Variants in STPG4 observed in about 807,000 individuals in gnomAD.
STPG4 encodes protein STPG4.
A neutral mutation model predicts 31.5 loss-of-function variants in STPG4; 41 were observed. The ratio of observed to expected loss-of-function variants is 1.30; its 90% CI spans 1.01 to 1.69. STPG4 has a LOEUF of 1.69. Ranked by LOEUF, STPG4 falls within the 40% of genes most tolerant of loss-of-function variation. The pLI, the probability that STPG4 is intolerant of heterozygous loss-of-function variation, is 0.00. For missense variants in STPG4, 375 were observed against 293.4 expected, an observed-to-expected ratio of 1.28 and a Z score of -2.03; for synonymous variants, 141 against 103.0, an observed-to-expected ratio of 1.37 and a Z score of -2.24.
At position 47,110,004 on chromosome 2, in the gene STPG4, T is replaced by C. The variant is rs369853642; in HGVS notation, c.520-19630A>G. ...CCTTATTCTTTATAGGCCTGTCAGG[T>C]TTTAAGAAATACAGAAACGAAATAT... On this transcript the variant is annotated intron_variant, in intron 5 of 6. Transcript: ENST00000445927. Among the ~76,000 whole-genome samples, 5 of 144,846 alleles carry C rather than the reference T, an allele frequency of 3.5e-5. No homozygotes were observed. The East Asian group carries it at 9.6e-4, about 28-fold the overall frequency.
chr2:47,134,768 A>T (rs1172275545), intron 3 of STPG4, among the ~76,000 whole-genome samples: 1 of 152,200 alleles, frequency 6.6e-6, no homozygotes, highest in Admixed American at 6.5e-5. Context: ...TTAGTTTTTT[A>T]AAAAACGGCC....
chr2:47,137,917 G>C (rs1686630011), intron 3 of STPG4, among the ~76,000 whole-genome samples: 1 of 152,012 alleles, frequency 6.6e-6, no homozygotes, highest in African/African-American at 2.4e-5. Context: ...TCTTTTCAAA[G>C]AATCAGCTCT....
At chr2:47,089,064 T>C (rs1685516796) in intron 6 of STPG4, among the ~76,000 whole-genome samples, 3 of 152,184 alleles carry the variant, frequency 2.0e-5, no homozygotes, top group African/African-American at 7.2e-5. Context: ...GAAAATTTTC[T>C]ATAAGGGAGA....
chr2:47,148,094 G>A (rs1686862973), intron 3 of STPG4, among the ~76,000 whole-genome samples: 1 of 151,938 alleles, frequency 6.6e-6, no homozygotes, highest in Non-Finnish European at 1.5e-5. Context: ...TGGGATTACA[G>A]GCCTGTGCCA....
At chr2:47,093,442 GC>G (rs1485280255) in intron 5 of STPG4, among the ~76,000 whole-genome samples, 1 of 152,176 alleles carries the variant, frequency 6.6e-6, no homozygotes. Context: ...TTGTGCAGGA[GC>G]CTCTCAGTTT....
chr2:47,117,274 A>G (rs1686171542), intron 5 of STPG4, among the ~76,000 whole-genome samples: 1 of 152,174 alleles, frequency 6.6e-6, no homozygotes, highest in South Asian at 2.1e-4. Context: ...CAATGGCACT[A>G]TCTCAGCTCA....
intron 5 of STPG4, among the ~76,000 whole-genome samples, chr2:47,121,592 C>T (rs1182352849): frequency 6.6e-6 from 1 of 152,202 alleles, no homozygotes; most frequent in Non-Finnish European, 1.5e-5. Context: ...TATTCATTCA[C>T]TATGACTGCT....
chr2:47,137,760 T>C (rs374652393), intron 3 of STPG4, among the ~76,000 whole-genome samples: 3 of 152,306 alleles, frequency 2.0e-5, no homozygotes, highest in African/African-American at 2.4e-5. Context: ...TTTGTGGAAA[T>C]AGGGTTATTC....
chr2:47,103,925 C>T (rs1002708802), intron 5 of STPG4, among the ~76,000 whole-genome samples: 3 of 152,090 alleles, frequency 2.0e-5, no homozygotes, highest in Middle Eastern at 3.4e-3. Context: ...TCCTCAAGAT[C>T]CATTACCATC....
chr2:47,124,597 G>A (rs11885021), intron 5 of STPG4, among the ~76,000 whole-genome samples: 1 of 152,068 alleles, frequency 6.6e-6, no homozygotes, highest in Non-Finnish European at 1.5e-5. Flanking sequence ...ATTGCAAATA[G>A]GAGGACCTCA....
chr2:47,145,135 T>C lies in STPG4; in HGVS notation c.399+6123A>G, dbSNP rs1160241549. 3.9e-5 allele frequency among the ~76,000 whole-genome samples: 6 copies of C among 152,208 alleles called. No individual in the cohort carries two copies. In the East Asian group the frequency reaches 9.6e-4, roughly 24 times the overall value. ...AAGCCAAGGAGGTAAGTGGCTTAAT[T>C]TTGTCTAGAGAATGTTTGCTGGTCC... On this transcript the variant is annotated intron_variant, in intron 3 of 6. Coordinates refer to ENST00000445927, the MANE Select transcript of STPG4 (RefSeq NM_001163561.2).
chr2:47,088,976 C>T (rs1685515314), intron 6 of STPG4, among the ~76,000 whole-genome samples: 1 of 152,170 alleles, frequency 6.6e-6, no homozygotes, highest in South Asian at 2.1e-4. Context: ...GGTTCAGCCA[C>T]CTTGAGAACA....
intron 5 of STPG4, among the ~76,000 whole-genome samples, chr2:47,125,563 G>A (rs531241917): frequency 6.6e-6 from 1 of 152,114 alleles, no homozygotes; most frequent in East Asian, 1.9e-4. Flanking sequence ...TTCCTTTGTT[G>A]TGCAGAAACT....
At chr2:47,121,098 G>C (rs529610666) in intron 5 of STPG4, 3 of 154,396 alleles carry the variant, frequency 1.9e-5, no homozygotes. Context: ...CAGAACACAA[G>C]AAAAGCTGGG....
intron 5 of STPG4, among the ~76,000 whole-genome samples, chr2:47,094,590 A>C (rs1297254993): frequency 6.6e-6 from 1 of 152,174 alleles, no homozygotes; most frequent in African/African-American, 2.4e-5. Flanking sequence ...AGGCAGAACC[A>C]AACAGAAACA....
At position 47,126,804 on chromosome 2, in the gene STPG4, T is replaced by A. The variant is rs568850695; in HGVS notation, c.519+3137A>T. Among the ~76,000 whole-genome samples, 25 of 151,074 alleles carry A rather than the reference T, an allele frequency of 1.7e-4. 1 individual carries two copies. The highest frequency in any genetic ancestry group is 6.0e-4 in the African/African-American group (25 of 41,494). On this transcript the variant is annotated intron_variant, in intron 5 of 6. Transcript: ENST00000445927. Reference sequence around the variant, plus strand: ...CTGAATATACTATTCCAGGATAAGTTTTTTTCTTTCGGCACTTTAAATATG... The same window carrying A: ...CTGAATATACTATTCCAGGATAAGTATTTTTCTTTCGGCACTTTAAATATG...
At chr2:47,093,676 G>A (rs1006979316) in intron 5 of STPG4, among the ~76,000 whole-genome samples, 2 of 152,192 alleles carry the variant, frequency 1.3e-5, no homozygotes, top group African/African-American at 4.8e-5. Flanking sequence ...ATGATGCATG[G>A]CCATCCCATC....
chr2:47,152,854 A>C (rs1355972322), intron 2 of STPG4, 103 bp downstream of exon 2: 34 of 792,644 alleles, frequency 4.3e-5, no homozygotes, highest in Non-Finnish European at 6.3e-5. Flanking sequence ...CTGAACAATC[A>C]CTGTTTTCTT....
chr2:47,150,301 G>C (rs754349585), intron 3 of STPG4, among the ~76,000 whole-genome samples: 2 of 152,118 alleles, frequency 1.3e-5, no homozygotes, highest in Non-Finnish European at 2.9e-5. Context: ...GGCATTTCCA[G>C]CTCCACTATT....
Sources: allele counts gnomAD v4.1 joint callset (sites outside exome capture counted in the v4.1 genomes callset), GRCh38; gene constraint gnomAD v4.1.1; transcripts MANE v1.5; gene names NCBI Gene and HGNC (gene_info 2026-07-23, HGNC 2026-07-21).